Variants in SLFN12L observed in about 807,000 individuals in gnomAD.
SLFN12L encodes schlafen family member 12-like.
SLFN12L carries 34 observed loss-of-function variants against 34.8 expected under a neutral mutation model. That is an observed-to-expected ratio of 0.98 (90% CI 0.74 to 1.30). The LOEUF (loss-of-function observed/expected upper bound fraction) is 1.30, where lower values mean the gene tolerates loss of function less well. Ranked by LOEUF, SLFN12L falls within the 50% of genes most tolerant of loss-of-function variation. The pLI, the probability that SLFN12L is intolerant of heterozygous loss-of-function variation, is 0.00. For missense variants in SLFN12L, 703 were observed against 696.2 expected (o/e 1.01, Z -0.11); for synonymous variants, 259 against 247.5 (o/e 1.05, Z -0.44).
intron 2 of SLFN12L, chr17:35,498,280 A>T: frequency 1.3e-6 from 1 of 793,054 alleles, no homozygotes; most frequent in Non-Finnish European, 2.3e-6. Context: ...CGCTGGCAGT[A>T]CGTGGACTCA....
intron 2 of SLFN12L, among the ~76,000 whole-genome samples, chr17:35,495,893 G>A (rs1915042357): frequency 7.4e-6 from 1 of 134,462 alleles, no homozygotes; most frequent in Non-Finnish European, 1.6e-5. Flanking sequence ...GGAGAAAGCC[G>A]ATTTGAAACA....
chr17:35,535,465 G>A (rs2072451091), intron 1 of SLFN12L, among the ~76,000 whole-genome samples: 1 of 150,918 alleles, frequency 6.6e-6, no homozygotes. Flanking sequence ...CCAAAGTGCT[G>A]GGATTACAGC....
intron 1 of SLFN12L, among the ~76,000 whole-genome samples, chr17:35,523,494 C>G (rs188327205): frequency 6.6e-6 from 1 of 152,156 alleles, no homozygotes; most frequent in Non-Finnish European, 1.5e-5. Flanking sequence ...AACTAGGAGA[C>G]CCTTGAAGCT....
chr17:35,483,401 A>G lies in SLFN12L; in HGVS notation c.87-3206T>C, dbSNP rs188324776. Among the ~76,000 whole-genome samples the G allele has an allele frequency of 7.0e-3, 1,072 of 152,338 alleles. 9 individuals are homozygous for G. Among genetic ancestry groups the G allele is most frequent in the Admixed American group, 0.01 (155 of 15,306 alleles). On this transcript the variant is annotated intron_variant, in intron 2 of 4. Coordinates refer to ENST00000628453, the MANE Select transcript of SLFN12L (RefSeq NM_001363830.2). ...CCGCCAGCCACAGAGGTTTCTGGCC[A>G]GAAAATCAACACCCTGAAGATCCTG...
At chr17:35,519,909 G>A (rs995948787) in intron 2 of SLFN12L, among the ~76,000 whole-genome samples, 1 of 152,126 alleles carries the variant, frequency 6.6e-6, no homozygotes. Context: ...ATAATGGAAT[G>A]GCAGGTCAGC....
chr17:35,478,318 T>C (rs1914130204), intron 3 of SLFN12L, 133 bp from the exon 4 acceptor site: 2 of 581,004 alleles, frequency 3.4e-6, no homozygotes, highest in Non-Finnish European at 6.0e-6. Context: ...ACATTAGATA[T>C]TGTGGTTACA....
rs9916257 is a variant in SLFN12L, at chr17:35,470,352, G to T, written c.*4571C>A. ...GCTCTGCTTCAAATGGGGCTGGCCT[G>T]GTGATACTGGAGACAATAAATGCGC... On this transcript the variant is annotated 3_prime_UTR_variant, in exon 5 of 5. Transcript: ENST00000628453. 0.42 allele frequency: 67,431 copies of T among 159,616 alleles called. 14,643 individuals carry two copies. Among genetic ancestry groups the T allele is most frequent in the African/African-American group, 0.48 (19,733 of 41,532 alleles). 9.9% of individuals were successfully genotyped at this position (159,616 alleles called of 1,614,324 possible).
chr17:35,530,117 C>CTTTTTT (rs35836415), intron 1 of SLFN12L, among the ~76,000 whole-genome samples: 3 of 109,470 alleles, frequency 2.7e-5, no homozygotes, highest in Non-Finnish European at 3.7e-5. Context: ...ACTGCTTTGT[C>CTTTTTT]TTTTTTTTTT....
intron 2 of SLFN12L, among the ~76,000 whole-genome samples, chr17:35,489,758 A>T (rs1043883189): frequency 6.6e-6 from 1 of 152,208 alleles, no homozygotes. Flanking sequence ...CTTGAAAGTT[A>T]TCCTCAGAAA....
chr17:35,503,196 T>A (rs1056895446), intron 2 of SLFN12L, among the ~76,000 whole-genome samples: 3 of 152,178 alleles, frequency 2.0e-5, no homozygotes, highest in Non-Finnish European at 4.4e-5. Context: ...GTTAAAAAAA[T>A]GTTTTAAAGG....
chr17:35,495,686 C>G (rs1915030826), intron 2 of SLFN12L, among the ~76,000 whole-genome samples: 1 of 151,398 alleles, frequency 6.6e-6, no homozygotes. Context: ...ACCCCACCCC[C>G]ACCAGTCCGA....
intron 2 of SLFN12L, among the ~76,000 whole-genome samples, chr17:35,517,081 G>A (rs1021010975): frequency 2.0e-4 from 30 of 152,244 alleles, no homozygotes; most frequent in African/African-American, 5.1e-4. Context: ...GTGACATCCC[G>A]CAAAAGCCAG....
At chr17:35,493,944 G>A (rs940393944) in intron 2 of SLFN12L, among the ~76,000 whole-genome samples, 1 of 121,592 alleles carries the variant, frequency 8.2e-6, no homozygotes, top group African/African-American at 3.1e-5. Context: ...GTGTAGATCT[G>A]TAAATAAAAT....
intron 1 of SLFN12L, among the ~76,000 whole-genome samples, chr17:35,536,199 C>G (rs1437855341): frequency 7.2e-5 from 11 of 152,180 alleles, no homozygotes; most frequent in Non-Finnish European, 2.9e-5. Flanking sequence ...GTTTTCATTA[C>G]TCTGGTAAGA....
chr17:35,511,030 C>G (rs2142158420), intron 2 of SLFN12L, among the ~76,000 whole-genome samples: 1 of 152,226 alleles, frequency 6.6e-6, no homozygotes, highest in East Asian at 1.9e-4. Flanking sequence ...TTAAACTTTA[C>G]TACTCTTTTG....
At chr17:35,480,467 A>G in intron 2 of SLFN12L, 1 of 319,738 alleles carries the variant, frequency 3.1e-6, no homozygotes, top group Non-Finnish European at 5.6e-6. Context: ...CTTTCTCATC[A>G]CTAATATTGT....
Position 35,469,255 on chromosome 17 carries a change from C to A in SLFN12L, c.*5668G>T, listed in dbSNP as rs1388963550. The stretch of plus-strand genomic sequence containing the variant: ...TTATTAATGTATTAGTTCCTATCCC[C>A]CAACAACCTGACTGCAGGACCTGTT... On this transcript the variant is annotated 3_prime_UTR_variant, in exon 5 of 5. Coordinates refer to ENST00000628453, the MANE Select transcript of SLFN12L (RefSeq NM_001363830.2). 3.4e-5 allele frequency among the ~76,000 whole-genome samples: 5 copies of A among 146,814 alleles called. No homozygotes were observed.
chr17:35,512,706 G>A (rs1915692892), intron 2 of SLFN12L, among the ~76,000 whole-genome samples: 1 of 152,204 alleles, frequency 6.6e-6, no homozygotes, highest in Admixed American at 6.5e-5. Flanking sequence ...AAAAGGTAGT[G>A]TGTAATTTTA....
rs558125918 is a variant in SLFN12L, at chr17:35,485,502, T to C, written c.87-5307A>G. Among the ~76,000 whole-genome samples, 63 of 152,386 alleles carry C rather than the reference T, an allele frequency of 4.1e-4. No homozygotes were observed. In the South Asian group the frequency reaches 0.012, roughly 28 times the overall value. ...CTGTTTACTCTGTTGAGACTTTTGC[T>C]GTGCAGACGCTGTTTAGTTAAGTCC... On this transcript the variant is annotated intron_variant, in intron 2 of 4. Coordinates refer to ENST00000628453, the MANE Select transcript of SLFN12L (RefSeq NM_001363830.2).
Sources: gnomAD v4.1 joint callset for allele counts (sites outside exome capture counted in the v4.1 genomes callset) on GRCh38, gnomAD v4.1.1 for gene constraint, MANE v1.5 for transcripts, NCBI Gene and HGNC (gene_info 2026-07-23, HGNC 2026-07-21) for gene names.